Variants in FAM78B observed in about 807,000 individuals in gnomAD.
The protein encoded by FAM78B is protein FAM78B.
Under a neutral mutation model 20.0 loss-of-function variants are expected in FAM78B, and 10 were observed. The observed-to-expected ratio is 0.50, with a 90% CI of 0.31 to 0.85. The LOEUF is 0.85. FAM78B is among the 40% of genes least tolerant of loss of function. The probability of loss-of-function intolerance (pLI) is 0.05; values close to 1 mark genes in which losing one functional copy is unlikely to be tolerated. For missense variants in FAM78B, 283 were observed against 345.0 expected (o/e 0.82, Z 1.42); for synonymous variants, 135 against 132.8 (o/e 1.02, Z -0.12).
At chr1:166,057,805 T>A (rs1387617096) in exon 3 of FAM78B, 1 of 152,140 alleles carries the variant, frequency 6.6e-6, no homozygotes, top group African/African-American at 2.4e-5. Flanking sequence ...GTAAATTAAC[T>A]GATATAGTCA....
chr1:166,078,597 C>T (rs542250604), intron 1 of FAM78B, among the ~76,000 whole-genome samples: 1 of 152,312 alleles, frequency 6.6e-6, no homozygotes, highest in East Asian at 1.9e-4. Context: ...GTCAAGACTC[C>T]ACTCAGACCC....
At chr1:166,060,236 A>C in exon 3 of FAM78B, 1 of 206,782 alleles carries the variant, frequency 4.8e-6, no homozygotes, top group Non-Finnish European at 1.0e-5. Context: ...TAGGGAGGGA[A>C]GGCAGGGTTT....
intron 1 of FAM78B, among the ~76,000 whole-genome samples, chr1:166,137,807 G>C (rs745800491): frequency 1.8e-4 from 27 of 152,366 alleles, no homozygotes; most frequent in Admixed American, 5.9e-4. Context: ...GAAGTAAGGA[G>C]TCTGGGCTCT....
At chr1:166,122,372 G>A (rs1302202275) in intron 1 of FAM78B, among the ~76,000 whole-genome samples, 2 of 152,172 alleles carry the variant, frequency 1.3e-5, no homozygotes, top group African/African-American at 2.4e-5. Context: ...ACAAGCCAAA[G>A]AAAAGAGATC....
intron 1 of FAM78B, among the ~76,000 whole-genome samples, chr1:166,102,567 G>A (rs554462664): frequency 6.6e-6 from 1 of 152,204 alleles, no homozygotes; most frequent in Admixed American, 6.5e-5. Flanking sequence ...CCTAGTCTCT[G>A]ATAAAACAGA....
rs1368419866 is a variant in FAM78B at position 166,063,626 on chromosome 1, T to C, written c.*410-2963A>G. ...GGCTCACCCAGTCCCAGGACTGGCA[T>C]GAAGCAAACAATCTCTCCTCCTTTA... On this transcript the variant is annotated intron_variant and NMD_transcript_variant, in intron 2 of 2. Transcript: ENST00000435676. 2.0e-5 allele frequency among the ~76,000 whole-genome samples: 3 copies of C among 152,164 alleles called. No individual in the cohort carries two copies. The East Asian group carries it at 5.8e-4, about 29-fold the overall frequency.
At chr1:166,098,727 A>G (rs942525287) in intron 1 of FAM78B, among the ~76,000 whole-genome samples, 2 of 152,116 alleles carry the variant, frequency 1.3e-5, no homozygotes, top group African/African-American at 2.4e-5. Flanking sequence ...AAAGCCTGCA[A>G]GAAGTCTGGG....
chr1:166,111,216 T>C (rs1654038385), intron 1 of FAM78B, among the ~76,000 whole-genome samples: 1 of 152,184 alleles, frequency 6.6e-6, no homozygotes, highest in African/African-American at 2.4e-5. Flanking sequence ...CCATCCGGAT[T>C]AGTGCTGCCT....
chr1:166,075,092 C>G lies in FAM78B; in HGVS notation c.264-4329G>C, dbSNP rs148366202. Among the ~76,000 whole-genome samples the G allele has an allele frequency of 1.1e-4, 17 of 152,220 alleles. No homozygotes were observed. In the East Asian group the frequency reaches 3.3e-3, roughly 29 times the overall value. ...AGGGTAGTATCGGTTTGTGGAGCACCTTCAATAACGGGTTTAGGCACCTGG... is the reference window on the plus strand; with the variant it reads ...AGGGTAGTATCGGTTTGTGGAGCACGTTCAATAACGGGTTTAGGCACCTGG... On this transcript the variant is annotated intron_variant, in intron 1 of 1. Transcript: ENST00000354422.
chr1:166,063,508 C>T (rs545799768), intron 2 of FAM78B, among the ~76,000 whole-genome samples: 37 of 152,280 alleles, frequency 2.4e-4, no homozygotes, highest in Non-Finnish European at 1.6e-4. Context: ...TTCTTAAACA[C>T]TGGATCTTAT....
intron 1 of FAM78B, among the ~76,000 whole-genome samples, chr1:166,078,069 G>T (rs908300126): frequency 6.7e-6 from 1 of 148,202 alleles, no homozygotes; most frequent in South Asian, 2.1e-4. Flanking sequence ...GTCTCGCTCC[G>T]TTTCCAGGCT....
chr1:166,099,272 A>G (rs924453165), intron 1 of FAM78B, among the ~76,000 whole-genome samples: 1 of 152,234 alleles, frequency 6.6e-6, no homozygotes, highest in East Asian at 1.9e-4. Context: ...CAAATTCTAG[A>G]AAGACATCAA....
chr1:166,120,885 G>C (rs967126629), intron 1 of FAM78B, among the ~76,000 whole-genome samples: 3 of 152,208 alleles, frequency 2.0e-5, no homozygotes, highest in African/African-American at 7.2e-5. Flanking sequence ...GTTCTTTACA[G>C]CTAAGTTTCC....
intron 1 of FAM78B, among the ~76,000 whole-genome samples, chr1:166,101,218 T>C (rs960083180): frequency 6.6e-6 from 1 of 151,866 alleles, no homozygotes; most frequent in Non-Finnish European, 1.5e-5. Flanking sequence ...AGACAAAAGG[T>C]AGATAAAACC....
intron 1 of FAM78B, among the ~76,000 whole-genome samples, chr1:166,110,526 A>G (rs1452325110): frequency 2.0e-5 from 3 of 152,216 alleles, no homozygotes; most frequent in African/African-American, 7.2e-5. Flanking sequence ...CCCATGTGGT[A>G]GTACCCAAAG....
chr1:166,086,543 A>C (rs1652839329), intron 1 of FAM78B, among the ~76,000 whole-genome samples: 1 of 152,164 alleles, frequency 6.6e-6, no homozygotes, highest in Non-Finnish European at 1.5e-5. Context: ...AGAAGGGGAG[A>C]GGCTGAGGAT....
intron 1 of FAM78B, among the ~76,000 whole-genome samples, chr1:166,085,005 G>A (rs1652767337): frequency 1.3e-5 from 2 of 152,150 alleles, no homozygotes; most frequent in South Asian, 4.2e-4. Context: ...AGAAGGTGTG[G>A]TGCACTTATT....
intron 1 of FAM78B, among the ~76,000 whole-genome samples, chr1:166,156,469 G>A (rs894847062): frequency 6.6e-6 from 1 of 152,184 alleles, no homozygotes; most frequent in East Asian, 1.9e-4. Flanking sequence ...GGGAGAGGAG[G>A]TGGGATGCCT....
At chr1:166,082,602 C>G (rs1357375316) in intron 1 of FAM78B, 1 of 152,270 alleles carries the variant, frequency 6.6e-6, no homozygotes, top group Non-Finnish European at 1.5e-5. Flanking sequence ...GTGTCTATGA[C>G]AGTTTTCCAC....
Sources: gnomAD v4.1 joint callset for allele counts (sites outside exome capture counted in the v4.1 genomes callset) on GRCh38, gnomAD v4.1.1 for gene constraint, MANE v1.5 for transcripts, NCBI Gene and HGNC (gene_info 2026-07-23, HGNC 2026-07-21) for gene names.